TBC1D8: variants seen among roughly 807,000 people sequenced by gnomAD.
TBC1D8 encodes the protein TBC1 domain family member 8, also known as BUB2-like protein 1.
A neutral mutation model predicts 118.8 loss-of-function variants in TBC1D8; 65 were observed. The observed-to-expected ratio is 0.55, with a 90% CI of 0.45 to 0.67. The LOEUF is 0.67. TBC1D8 is among the 30% of genes least tolerant of loss of function. The probability of loss-of-function intolerance (pLI) is 0.00; values close to 1 mark genes in which losing one functional copy is unlikely to be tolerated. For synonymous variants in TBC1D8, 566 were observed against 595.8 expected (o/e 0.95, Z 0.73); for missense variants, 1,376 against 1,471.2 (o/e 0.94, Z 1.06).
chr2:101,091,074 G>A (rs1280691668), intron 1 of TBC1D8, among the ~76,000 whole-genome samples: 1 of 152,036 alleles, frequency 6.6e-6, no homozygotes, highest in Admixed American at 6.6e-5. Flanking sequence ...CTTGAGGTCA[G>A]GAGTTCGAGA....
At position 101,040,285 on chromosome 2, in the gene TBC1D8, G is replaced by A. The variant is rs758578178; in HGVS notation, c.973C>T (p.Pro325Ser). The A allele has an allele frequency of 6.2e-7, 1 of 1,613,878 alleles. No individual in the cohort carries two copies. The highest frequency in any genetic ancestry group is 8.5e-7 in the Non-Finnish European group (1 of 1,179,902). ...CCCGTGGTGTGACAGCGACTGAACG[G>A]CGTCCAGAGCGAACAGTCCACAACC... Reference protein sequence around the residue: ...HAVVDCSLWTPFSRCHTTGRM... With the variant: ...HAVVDCSLWTSFSRCHTTGRM... The change falls in exon 6 of 20, where the codon CCG becomes TCG. Residue 325 changes from proline to serine, a missense_variant. Coordinates refer to ENST00000409318, the MANE Select transcript of TBC1D8 (RefSeq NM_001330348.2).
intron 2 of TBC1D8, among the ~76,000 whole-genome samples, chr2:101,071,115 G>A (rs996087161): frequency 3.3e-5 from 5 of 152,032 alleles, no homozygotes; most frequent in Admixed American, 6.6e-5. Context: ...TGAGGCGGGC[G>A]GATCACGAGG....
intron 1 of TBC1D8, 88 bp downstream of exon 1, chr2:101,151,039 C>A (rs1679539836): frequency 8.7e-6 from 8 of 920,448 alleles, no homozygotes; most frequent in Non-Finnish European, 1.0e-5. Context: ...TCGCCTCTGG[C>A]GACGCAGCCC....
chr2:101,017,502 T>G (rs1291441818), intron 17 of TBC1D8, among the ~76,000 whole-genome samples: 1 of 152,166 alleles, frequency 6.6e-6, no homozygotes, highest in Non-Finnish European at 1.5e-5. Flanking sequence ...AATTTTTCAG[T>G]CTCGCTGTAA....
intron 11 of TBC1D8, 155 bp from the exon 12 acceptor site, chr2:101,029,931 C>T: frequency 1.4e-6 from 1 of 711,642 alleles, no homozygotes; most frequent in Non-Finnish European, 2.2e-6. Context: ...GACTTTTAGA[C>T]CAAGGTAATT....
At chr2:101,096,442 A>AAC (rs1676443727) in intron 1 of TBC1D8, among the ~76,000 whole-genome samples, 1 of 150,416 alleles carries the variant, frequency 6.6e-6, no homozygotes, top group Non-Finnish European at 1.5e-5. Flanking sequence ...AAAAAAAAAA[A>AAC]AAAAACTATA....
At chr2:101,134,751 A>G (rs1372260377) in intron 1 of TBC1D8, among the ~76,000 whole-genome samples, 1 of 152,250 alleles carries the variant, frequency 6.6e-6, no homozygotes, top group Non-Finnish European at 1.5e-5. Flanking sequence ...TGGAGGTCAC[A>G]GCTTCAACAC....
At position 101,095,249 on chromosome 2, in the gene TBC1D8, T is replaced by TTTATTATTATTATTA. The variant is rs61200526; in HGVS notation, c.128-4900_128-4886dup. ...GCCAACGCACCAGAGAAGTATTTTC[T>TTTATTATTATTATTA]TTATTATTATTATTATTATACTTTA... On this transcript the variant is annotated intron_variant, in intron 1 of 19. Coordinates refer to ENST00000409318, the MANE Select transcript of TBC1D8 (RefSeq NM_001330348.2). Among the ~76,000 whole-genome samples, 782 of 146,586 alleles carry TTTATTATTATTATTA rather than the reference T, an allele frequency of 5.3e-3. 8 individuals are homozygous for TTTATTATTATTATTA. The highest frequency in any genetic ancestry group is 0.017 in the African/African-American group (666 of 39,990).
intron 1 of TBC1D8, among the ~76,000 whole-genome samples, chr2:101,095,459 G>T (rs1377327956): frequency 7.4e-6 from 1 of 134,734 alleles, no homozygotes; most frequent in Non-Finnish European, 1.5e-5. Context: ...GTGTCCATGT[G>T]TTCTCATTGT....
rs1678837919 is a variant in TBC1D8 at position 101,007,759 on chromosome 2, G to GAA, written c.*60_*61dup. The GAA allele has an allele frequency of 9.8e-6, 15 of 1,528,734 alleles. No homozygotes were observed. In the Middle Eastern group the frequency reaches 8.7e-4, roughly 88 times the overall value. 94.7% of individuals were successfully genotyped at this position (1,528,734 alleles called of 1,614,324 possible). Reference sequence around the variant, plus strand: ...AATCTCGGTTTAGGGCTGACCCCAAGAAACAGTCTGGTTCGTGCTTTGGTA... The same window carrying GAA: ...AATCTCGGTTTAGGGCTGACCCCAAGAAAAACAGTCTGGTTCGTGCTTTGGTA... On this transcript the variant is annotated 3_prime_UTR_variant, in exon 20 of 20. Coordinates refer to ENST00000409318, the MANE Select transcript of TBC1D8 (RefSeq NM_001330348.2).
intron 1 of TBC1D8, among the ~76,000 whole-genome samples, chr2:101,124,797 A>C (rs1678280594): frequency 6.6e-6 from 1 of 152,186 alleles, no homozygotes. Context: ...TGTGGAAAAA[A>C]TACTACAATC....
chr2:101,054,472 T>C, intron 3 of TBC1D8, 136 bp from the exon 4 acceptor site: 2 of 813,512 alleles, frequency 2.5e-6, no homozygotes, highest in Non-Finnish European at 3.8e-6. Context: ...CAGACACACC[T>C]GACGAGGAGA....
At chr2:101,110,019 G>A (rs765429555) in intron 1 of TBC1D8, 112 of 985,244 alleles carry the variant, frequency 1.1e-4, no homozygotes, top group South Asian at 9.9e-4. Context: ...TCCTCCTGGC[G>A]TCTCAGCGAG....
chr2:101,038,850 G>T (rs1370842080), intron 6 of TBC1D8, among the ~76,000 whole-genome samples, 195 bp from the exon 7 acceptor site: 1 of 151,650 alleles, frequency 6.6e-6, no homozygotes, highest in Non-Finnish European at 1.5e-5. Flanking sequence ...GGGGCGACTG[G>T]ATAGCAAAGT....
At chr2:101,136,015 C>T (rs922643880) in intron 1 of TBC1D8, among the ~76,000 whole-genome samples, 2 of 152,156 alleles carry the variant, frequency 1.3e-5, no homozygotes, top group Admixed American at 6.5e-5. Flanking sequence ...GGCACCACCA[C>T]GCCTGGCTAA....
chr2:101,128,117 T>C (rs1289824796), intron 1 of TBC1D8, among the ~76,000 whole-genome samples: 2 of 152,220 alleles, frequency 1.3e-5, no homozygotes, highest in Non-Finnish European at 2.9e-5. Context: ...CTAATAGTCC[T>C]ATTCTTTCCC....
chr2:101,062,020 C>CA (rs1416782020), intron 2 of TBC1D8, among the ~76,000 whole-genome samples: 1 of 152,186 alleles, frequency 6.6e-6, no homozygotes, highest in African/African-American at 2.4e-5. Context: ...CTTAGGGGTA[C>CA]ATCTGGTTTA....
rs184435536 is a variant in TBC1D8, at chr2:101,140,706, T to C, written c.127+10421A>G. Among the ~76,000 whole-genome samples the C allele has an allele frequency of 1.7e-3, 264 of 152,038 alleles. 2 individuals carry two copies. Among genetic ancestry groups the C allele is most frequent in the East Asian group, 3.9e-3 (20 of 5,166 alleles). ...AAAGGCAACCTCTTCCAACTCTTAA[T>C]GGATTATTTTTGTATCCACCTTCGC... is the stretch of plus-strand genomic sequence containing the variant. On this transcript the variant is annotated intron_variant, in intron 1 of 19. Transcript: ENST00000409318.
Position 101,151,283 on chromosome 2 carries a change from C to T in TBC1D8, c.-30G>A. The stretch of plus-strand genomic sequence containing the variant: ...GCGGTCCGGCCGCGCCCGCCGGCCC[C>T]AGCTCACATCTCCCCGGCCGCCGGT... On this transcript the variant is annotated 5_prime_UTR_variant, in exon 1 of 20. Transcript: ENST00000409318. The T allele has an allele frequency of 4.4e-6, 5 of 1,125,142 alleles. No homozygotes were observed. The highest frequency in any genetic ancestry group is 5.5e-6 in the Non-Finnish European group (5 of 905,132). The allele number at this position is 1,125,142 out of a possible 1,614,324, so 69.7% of individuals were successfully genotyped here.
Sources: gnomAD v4.1 joint callset for allele counts (sites outside exome capture counted in the v4.1 genomes callset) on GRCh38, gnomAD v4.1.1 for gene constraint, MANE v1.5 for transcripts, NCBI Gene and HGNC (gene_info 2026-07-23, HGNC 2026-07-21) for gene names.